Variants in FHIT observed in about 807,000 individuals in gnomAD.
FHIT encodes the protein fragile histidine triad diadenosine triphosphatase.
Under a neutral mutation model 17.9 loss-of-function variants are expected in FHIT, and 19 were observed. That is an observed-to-expected ratio of 1.06 (90% CI 0.74 to 1.56). The LOEUF is 1.56. Among genes scored for constraint, FHIT ranks in the 40% most tolerant of loss-of-function variants. The pLI, the probability that FHIT is intolerant of heterozygous loss-of-function variation, is 0.00. For missense variants in FHIT, 248 were observed against 189.2 expected, an observed-to-expected ratio of 1.31 and a Z score of -1.82; for synonymous variants, 81 against 69.7, an observed-to-expected ratio of 1.16 and a Z score of -0.81.
intron 5 of FHIT, among the ~76,000 whole-genome samples, chr3:60,273,546 C>G (rs1706972412): frequency 1.3e-5 from 2 of 152,024 alleles, no homozygotes; most frequent in Non-Finnish European, 2.9e-5. Flanking sequence ...GAGGCAGAGG[C>G]TGCAGTGAGC....
intron 4 of FHIT, among the ~76,000 whole-genome samples, chr3:60,782,830 C>T (rs1169776468): frequency 7.2e-5 from 11 of 152,258 alleles, no homozygotes; most frequent in East Asian, 1.9e-4. Flanking sequence ...TGTATCCTCA[C>T]GTGGACGAAG....
chr3:59,860,070 G>C (rs1051429601), intron 8 of FHIT, among the ~76,000 whole-genome samples: 1 of 152,160 alleles, frequency 6.6e-6, no homozygotes, highest in South Asian at 2.1e-4. Flanking sequence ...TGGATAATCA[G>C]GGTGAAAGGA....
intron 8 of FHIT, among the ~76,000 whole-genome samples, chr3:59,811,855 T>C (rs1700416836): frequency 6.6e-6 from 1 of 152,140 alleles, no homozygotes; most frequent in Admixed American, 6.5e-5. Flanking sequence ...GCAAGGCACA[T>C]TTGGTCTTGT....
At position 61,226,398 on chromosome 3, in the gene FHIT, T is replaced by C. The variant is rs375422106; in HGVS notation, c.-213+24903A>G. On this transcript the variant is annotated intron_variant, in intron 1 of 9. Coordinates refer to ENST00000492590, the MANE Select transcript of FHIT (RefSeq NM_002012.4). Reference sequence around the variant, plus strand: ...ATTTCCCCTTCATGCCCTGATATGGTTACTTTCAATTACCCTGATAGTCCA... The same window carrying C: ...ATTTCCCCTTCATGCCCTGATATGGCTACTTTCAATTACCCTGATAGTCCA... 1.1e-4 allele frequency among the ~76,000 whole-genome samples: 17 copies of C among 152,252 alleles called. No individual in the cohort carries two copies. In the East Asian group the frequency reaches 1.5e-3, roughly 14 times the overall value.
chr3:61,046,923 C>G (rs1331726957), intron 2 of FHIT, among the ~76,000 whole-genome samples: 1 of 152,130 alleles, frequency 6.6e-6, no homozygotes, highest in African/African-American at 2.4e-5. Flanking sequence ...GCAGAAAAAG[C>G]CTTCGAAAAA....
intron 4 of FHIT, among the ~76,000 whole-genome samples, chr3:60,770,983 G>C (rs947844926): frequency 2.0e-5 from 3 of 152,168 alleles, no homozygotes; most frequent in Non-Finnish European, 4.4e-5. Flanking sequence ...CAACCTAACA[G>C]TTCTCTCTCA....
intron 5 of FHIT, among the ~76,000 whole-genome samples, chr3:60,306,489 A>G (rs963478903): frequency 6.6e-6 from 1 of 152,152 alleles, no homozygotes; most frequent in African/African-American, 2.4e-5. Flanking sequence ...CGTAAAACAG[A>G]TTTTGGGGCA....
chr3:60,388,298 C>T (rs1463431489), intron 5 of FHIT, among the ~76,000 whole-genome samples: 3 of 152,282 alleles, frequency 2.0e-5, no homozygotes, highest in Middle Eastern at 3.4e-3. Context: ...CAAGGCACGT[C>T]TCTTGAGTTA....
chr3:59,954,477 C>T (rs1707294409), intron 7 of FHIT, among the ~76,000 whole-genome samples: 1 of 152,118 alleles, frequency 6.6e-6, no homozygotes, highest in Non-Finnish European at 1.5e-5. Context: ...ACACACACCT[C>T]TCAACTCTCA....
At chr3:60,531,432 C>G (rs1218455234) in intron 5 of FHIT, among the ~76,000 whole-genome samples, 5 of 151,886 alleles carry the variant, frequency 3.3e-5, no homozygotes, top group Non-Finnish European at 5.9e-5. Flanking sequence ...GCGCCCGCTA[C>G]CACGCCCGGC....
intron 5 of FHIT, among the ~76,000 whole-genome samples, chr3:60,241,708 C>T (rs1365891977): frequency 8.6e-5 from 13 of 152,002 alleles, no homozygotes; most frequent in South Asian, 2.1e-4. Flanking sequence ...AGATAGGTAC[C>T]GCCTATTCCT....
intron 8 of FHIT, among the ~76,000 whole-genome samples, chr3:59,874,377 T>A (rs759742160): frequency 2.0e-5 from 3 of 152,204 alleles, no homozygotes; most frequent in Non-Finnish European, 4.4e-5. Context: ...GCATGGTAGT[T>A]CTCAAGCTTT....
At chr3:61,033,983 C>T (rs1003496137) in intron 3 of FHIT, among the ~76,000 whole-genome samples, 11 of 152,272 alleles carry the variant, frequency 7.2e-5, no homozygotes, top group East Asian at 1.9e-4. Context: ...TACATAGATG[C>T]TCAACTAAGG....
intron 5 of FHIT, among the ~76,000 whole-genome samples, chr3:60,326,492 A>G (rs547340688): frequency 1.3e-5 from 2 of 151,974 alleles, no homozygotes; most frequent in South Asian, 4.2e-4. Flanking sequence ...AATGGGAGTG[A>G]TGGGGGAGCG....
chr3:60,758,126 G>A (rs78288823), intron 4 of FHIT, among the ~76,000 whole-genome samples: 3,134 of 152,222 alleles, frequency 0.021, 103 homozygotes, highest in African/African-American at 0.069. Flanking sequence ...TCACAGGTTG[G>A]TTGTATCCCA....
chr3:60,299,381 G>T (rs1001862581), intron 5 of FHIT, among the ~76,000 whole-genome samples: 2 of 151,894 alleles, frequency 1.3e-5, no homozygotes, highest in African/African-American at 4.8e-5. Flanking sequence ...TTTTCATTTG[G>T]GGCAATACAA....
At chr3:59,939,672 C>G (rs968149337) in intron 7 of FHIT, among the ~76,000 whole-genome samples, 1 of 152,198 alleles carries the variant, frequency 6.6e-6, no homozygotes, top group African/African-American at 2.4e-5. Context: ...GCCCTGGCTA[C>G]AGCCAACTCA....
intron 4 of FHIT, among the ~76,000 whole-genome samples, chr3:60,559,611 T>C (rs942431080): frequency 1.3e-5 from 2 of 152,194 alleles, no homozygotes; most frequent in Admixed American, 1.3e-4. Context: ...CCTCAAAAAC[T>C]GCCCCACAAG....
At chr3:61,039,695 G>A (rs2033416027) in intron 3 of FHIT, among the ~76,000 whole-genome samples, 1 of 152,130 alleles carries the variant, frequency 6.6e-6, no homozygotes, top group African/African-American at 2.4e-5. Flanking sequence ...ACATACCGGG[G>A]CCTATTTGAG....
Sources: allele counts gnomAD v4.1 joint callset (sites outside exome capture counted in the v4.1 genomes callset), GRCh38; gene constraint gnomAD v4.1.1; transcripts MANE v1.5; gene names NCBI Gene and HGNC (gene_info 2026-07-23, HGNC 2026-07-21).